The following UTS2B variants were observed in gnomAD, a reference collection of about 807,000 sequenced individuals.
UTS2B encodes the protein urotensin-2B.
Under a neutral mutation model 19.2 loss-of-function variants are expected in UTS2B, and 21 were observed. That is an observed-to-expected ratio of 1.09 (90% CI 0.78 to 1.58). UTS2B has a LOEUF of 1.58. Ranked by LOEUF, UTS2B falls within the 40% of genes most tolerant of loss-of-function variation. The pLI is 0.00. For missense variants in UTS2B, 138 were observed against 130.3 expected, an observed-to-expected ratio of 1.06 and a Z score of -0.29; for synonymous variants, 57 against 50.2, an observed-to-expected ratio of 1.14 and a Z score of -0.58.
At position 191,267,793 on chromosome 3, in the gene UTS2B, TAAG is replaced by T. The variant is rs34894244; in HGVS notation, c.*620_*622del. Reference sequence around the variant, plus strand: ...TATGTAGAAGTACAGTATACAGAGATAAGAATTTACAATATACTGTGTGTGTAA... The same window carrying T: ...TATGTAGAAGTACAGTATACAGAGATAATTTACAATATACTGTGTGTGTAA... On this transcript the variant is annotated 3_prime_UTR_variant, in exon 9 of 9. Transcript: ENST00000340524. The T allele has an allele frequency of 0.24, 36,996 of 152,074 alleles. 5,114 individuals carry two copies. The highest frequency in any genetic ancestry group is 0.37 in the Middle Eastern group (108 of 292). The allele number at this position is 152,074 out of a possible 1,614,324, so 9.4% of individuals were successfully genotyped here.
intron 5 of UTS2B, among the ~76,000 whole-genome samples, chr3:191,281,087 A>C (rs1328678208): frequency 6.6e-6 from 1 of 152,164 alleles, no homozygotes; most frequent in African/African-American, 2.4e-5. Context: ...TGAGGTAACA[A>C]GGTCTGGTAA....
upstream of UTS2B, among the ~76,000 whole-genome samples, chr3:191,331,478 C>T (rs1208030055): frequency 2.0e-5 from 3 of 152,122 alleles, no homozygotes; most frequent in East Asian, 1.9e-4. Context: ...TTTAAATTAG[C>T]TTTCATTTTG....
At chr3:191,283,861 C>A (rs995630326) in intron 4 of UTS2B, among the ~76,000 whole-genome samples, 6 of 152,248 alleles carry the variant, frequency 3.9e-5, no homozygotes, top group Admixed American at 3.9e-4. Flanking sequence ...CTCTGTCATT[C>A]AAATATACCT....
chr3:191,268,720 A>G (rs1716008844), intron 8 of UTS2B, among the ~76,000 whole-genome samples: 2 of 152,252 alleles, frequency 1.3e-5, no homozygotes, highest in Non-Finnish European at 2.9e-5. Flanking sequence ...CCCATCACAG[A>G]AAATTCTATT....
chr3:191,283,759 C>T (rs1051260784), intron 4 of UTS2B, among the ~76,000 whole-genome samples: 7 of 136,822 alleles, frequency 5.1e-5, no homozygotes, highest in Non-Finnish European at 1.2e-4. Flanking sequence ...AGAATAATTG[C>T]AACTCTTTGT....
intron 3 of UTS2B, among the ~76,000 whole-genome samples, chr3:191,309,094 G>C (rs1717218700): frequency 6.6e-6 from 1 of 152,206 alleles, no homozygotes; most frequent in Non-Finnish European, 1.5e-5. Context: ...ATTTGCTAAT[G>C]AAAGTCAATT....
intron 6 of UTS2B, among the ~76,000 whole-genome samples, chr3:191,277,858 C>A (rs1276077383): frequency 1.3e-5 from 2 of 151,050 alleles, no homozygotes; most frequent in East Asian, 1.9e-4. Flanking sequence ...CCATTAGGAC[C>A]CTCAAATTGA....
chr3:191,311,553 C>T (rs1560144744), intron 3 of UTS2B, among the ~76,000 whole-genome samples: 1 of 152,192 alleles, frequency 6.6e-6, no homozygotes, highest in Non-Finnish European at 1.5e-5. Flanking sequence ...TAACTCTGCA[C>T]TTGTACCATT....
intron 2 of UTS2B, among the ~76,000 whole-genome samples, chr3:191,318,749 G>T (rs1277696110): frequency 2.6e-5 from 4 of 152,242 alleles, no homozygotes; most frequent in African/African-American, 9.6e-5. Context: ...GGGATGACAG[G>T]TGTGAGCTGC....
chr3:191,315,558 G>T (rs1020085452), intron 3 of UTS2B, among the ~76,000 whole-genome samples: 2 of 152,198 alleles, frequency 1.3e-5, no homozygotes, highest in African/African-American at 4.8e-5. Context: ...GATGTATAAA[G>T]AAATCCCTTC....
intron 5 of UTS2B, among the ~76,000 whole-genome samples, chr3:191,279,489 T>C (rs915600814): frequency 3.3e-5 from 5 of 152,064 alleles, no homozygotes; most frequent in Admixed American, 3.3e-4. Context: ...TAATTACTTG[T>C]TTCAGAAAGA....
Position 191,267,843 on chromosome 3 carries a change from A to G in UTS2B, c.*573T>C, listed in dbSNP as rs1213652320. 1 of 152,284 alleles carries G rather than the reference A, an allele frequency of 6.6e-6. No individual in the cohort carries two copies. The highest frequency in any genetic ancestry group is 1.9e-4 in the East Asian group (1 of 5,198). The allele number at this position is 152,284 out of a possible 1,614,324, so 9.4% of individuals were successfully genotyped here. On this transcript the variant is annotated 3_prime_UTR_variant, in exon 9 of 9. Coordinates refer to ENST00000340524, the MANE Select transcript of UTS2B (RefSeq NM_198152.5). Reference sequence around the variant, plus strand: ...GTAATTTCTAACAGAGCCTTAAAACAGAAACACAATCTTTCCATAACCTAT... The same window carrying G: ...GTAATTTCTAACAGAGCCTTAAAACGGAAACACAATCTTTCCATAACCTAT...
chr3:191,334,157 G>C (rs564957637), upstream of UTS2B, among the ~76,000 whole-genome samples: 4 of 152,166 alleles, frequency 2.6e-5, no homozygotes, highest in African/African-American at 9.6e-5. Context: ...GCCACATGTT[G>C]TGTTGAGGGT....
intron 5 of UTS2B, among the ~76,000 whole-genome samples, chr3:191,280,723 TTC>T (rs932451753): frequency 2.6e-5 from 4 of 152,166 alleles, no homozygotes; most frequent in African/African-American, 7.2e-5. Flanking sequence ...AGGCAGATTT[TTC>T]TCTGTTTCAT....
chr3:191,313,725 C>CTTTTTTTTTTT (rs57398216), intron 3 of UTS2B, among the ~76,000 whole-genome samples: 3 of 109,134 alleles, frequency 2.7e-5, no homozygotes, highest in African/African-American at 1.0e-4. Flanking sequence ...CTCCACTTTC[C>CTTTTTTTTTTT]TTTTTTTTTT....
the UTS2B span, among the ~76,000 whole-genome samples, chr3:191,335,927 C>T: frequency 5.3e-5 from 8 of 151,300 alleles, no homozygotes; most frequent in African/African-American, 1.2e-4. Context: ...TCTCAACCCC[C>T]GTTTCATGCC....
At chr3:191,305,602 T>C (rs1371709875) in intron 3 of UTS2B, among the ~76,000 whole-genome samples, 1 of 152,164 alleles carries the variant, frequency 6.6e-6, no homozygotes, top group Non-Finnish European at 1.5e-5. Context: ...TTTTCTCCCA[T>C]TATGTAGGTT....
intron 7 of UTS2B, 32 bp from the exon 8 acceptor site, chr3:191,275,377 T>TC: frequency 1.9e-6 from 3 of 1,574,678 alleles, no homozygotes; most frequent in Non-Finnish European, 2.6e-6. Flanking sequence ...AATTAATTGG[T>TC]CTTCTATAAA....
chr3:191,285,154 G>A (rs2108578338), intron 4 of UTS2B, among the ~76,000 whole-genome samples: 1 of 152,178 alleles, frequency 6.6e-6, no homozygotes, highest in South Asian at 2.1e-4. Flanking sequence ...AATTTGCTAA[G>A]GAATACACAA....
Sources: allele counts gnomAD v4.1 joint callset (sites outside exome capture counted in the v4.1 genomes callset), GRCh38; gene constraint gnomAD v4.1.1; transcripts MANE v1.5; gene names NCBI Gene and HGNC (gene_info 2026-07-23, HGNC 2026-07-21).